Variants in STPG2 observed in about 807,000 individuals in gnomAD.
STPG2 encodes the protein sperm tail PG-rich repeat containing 2.
STPG2 carries 56 observed loss-of-function variants against 54.2 expected under a neutral mutation model. That is an observed-to-expected ratio of 1.03 (90% confidence interval 0.83 to 1.29). STPG2 has a LOEUF of 1.29. Ranked by LOEUF, STPG2 falls within the 50% of genes most tolerant of loss-of-function variation. STPG2 has a pLI of 0.00. For missense variants in STPG2, 596 were observed against 544.9 expected (o/e 1.09, Z -0.93); for synonymous variants, 200 against 181.8 (o/e 1.10, Z -0.81).
At chr4:97,606,482 T>G (rs58533143) in intron 10 of STPG2, among the ~76,000 whole-genome samples, 11,135 of 151,674 alleles carry the variant, frequency 0.073, 1,067 homozygotes, top group African/African-American at 0.22. Context: ...CAAATATATA[T>G]AGAGAGAGAG....
chr4:97,691,653 C>G (rs1723369657), intron 10 of STPG2, among the ~76,000 whole-genome samples: 1 of 152,144 alleles, frequency 6.6e-6, no homozygotes, highest in African/African-American at 2.4e-5. Context: ...TACCCACCAC[C>G]TAACCCTAGG....
chr4:97,678,195 C>T lies in STPG2; in HGVS notation c.1320+34504G>A, dbSNP rs571270664. On this transcript the variant is annotated intron_variant, in intron 10 of 10. Transcript: ENST00000295268. ...TTTAACACATGATTTAGAATTTACA[C>T]TTACAGGGTTTTTTTCAGTTTTCCA... Among the ~76,000 whole-genome samples, 8 of 152,114 alleles carry T rather than the reference C, an allele frequency of 5.3e-5. No individual in the cohort carries two copies. In the South Asian group the frequency reaches 1.7e-3, roughly 32 times the overall value.
intron 5 of STPG2, among the ~76,000 whole-genome samples, chr4:98,082,353 C>G (rs1157080346): frequency 8.1e-6 from 1 of 122,750 alleles, no homozygotes; most frequent in Non-Finnish European, 1.8e-5. Context: ...AGACCCAGAG[C>G]TGCAGCATTT....
At chr4:97,465,937 C>A (rs151141667) in intron 4 of STPG2, among the ~76,000 whole-genome samples, 1 of 151,708 alleles carries the variant, frequency 6.6e-6, no homozygotes, top group Non-Finnish European at 1.5e-5. Flanking sequence ...GTTTATTCTT[C>A]CTTACAGTGG....
intron 5 of STPG2, among the ~76,000 whole-genome samples, chr4:98,022,280 T>A (rs981624694): frequency 6.6e-6 from 1 of 151,186 alleles, no homozygotes; most frequent in Admixed American, 6.6e-5. Flanking sequence ...CTTATGAAGC[T>A]TAGTTTGGCT....
chr4:98,135,677 A>G (rs1266600315), intron 1 of STPG2, among the ~76,000 whole-genome samples: 1 of 151,696 alleles, frequency 6.6e-6, no homozygotes, highest in Non-Finnish European at 1.5e-5. Context: ...GAGGAGAGGG[A>G]AAGGTAAAAG....
chr4:98,030,678 A>G (rs575174340), intron 5 of STPG2, among the ~76,000 whole-genome samples: 1 of 152,340 alleles, frequency 6.6e-6, no homozygotes, highest in Admixed American at 6.5e-5. Flanking sequence ...ACTGGTACAA[A>G]AAAATAGTCA....
intron 4 of STPG2, among the ~76,000 whole-genome samples, chr4:97,460,550 G>T (rs1729637458): frequency 6.6e-6 from 1 of 151,424 alleles, no homozygotes; most frequent in South Asian, 2.1e-4. Context: ...TCTTGGAACT[G>T]CTATTAGGCA....
At chr4:97,513,907 A>C (rs900879357) in intron 4 of STPG2, among the ~76,000 whole-genome samples, 1 of 152,148 alleles carries the variant, frequency 6.6e-6, no homozygotes, top group African/African-American at 2.4e-5. Context: ...TGAGTCCCCA[A>C]AAAAGAATTG....
At chr4:98,052,011 C>T (rs144600192) in intron 5 of STPG2, among the ~76,000 whole-genome samples, 303 of 150,780 alleles carry the variant, frequency 2.0e-3, no homozygotes, top group African/African-American at 7.3e-3. Flanking sequence ...CATTTGAACA[C>T]GGGAGGCGGA....
intron 7 of STPG2, among the ~76,000 whole-genome samples, chr4:97,964,612 T>C (rs1320185431): frequency 6.6e-6 from 1 of 152,106 alleles, no homozygotes; most frequent in Non-Finnish European, 1.5e-5. Flanking sequence ...ACAAATATAA[T>C]AAAATAAATA....
chr4:98,021,416 G>C (rs1736185123), intron 5 of STPG2, among the ~76,000 whole-genome samples: 1 of 150,912 alleles, frequency 6.6e-6, no homozygotes. Context: ...TTTTACATTT[G>C]CTGAGGAGTG....
chr4:98,128,692 A>C, intron 2 of STPG2, 100 bp from the exon 3 acceptor site: 2 of 965,622 alleles, frequency 2.1e-6, no homozygotes, highest in Non-Finnish European at 3.0e-6. Context: ...TTAAATATTG[A>C]TTTAATGAGT....
At chr4:97,633,305 T>G (rs1721360530) in intron 10 of STPG2, among the ~76,000 whole-genome samples, 1 of 152,190 alleles carries the variant, frequency 6.6e-6, no homozygotes, top group Non-Finnish European at 1.5e-5. Context: ...ATTAAAAAGT[T>G]GGAATATTGT....
At chr4:98,041,692 C>G (rs182879763) in intron 5 of STPG2, among the ~76,000 whole-genome samples, 1 of 151,862 alleles carries the variant, frequency 6.6e-6, no homozygotes, top group African/African-American at 2.4e-5. Flanking sequence ...CCCACTTGAT[C>G]GTGGTGTATT....
chr4:97,443,403 A>C (rs188445268), intron 4 of STPG2, among the ~76,000 whole-genome samples: 87 of 152,270 alleles, frequency 5.7e-4, no homozygotes, highest in Admixed American at 9.2e-4. Flanking sequence ...CCTCCTTAAG[A>C]CATTTGCTAA....
chr4:97,560,552 C>T (rs185251158), intron 10 of STPG2, among the ~76,000 whole-genome samples: 147 of 152,290 alleles, frequency 9.7e-4, no homozygotes, highest in African/African-American at 2.7e-3. Flanking sequence ...TCCTCTTTAA[C>T]ACTGGATTGA....
intron 9 of STPG2, among the ~76,000 whole-genome samples, chr4:97,786,579 C>T (rs975250167): frequency 2.6e-5 from 4 of 152,050 alleles, no homozygotes; most frequent in African/African-American, 4.8e-5. Flanking sequence ...AAATAAACAA[C>T]GCATCCATTC....
At chr4:97,857,128 T>A (rs1355484233) in intron 8 of STPG2, among the ~76,000 whole-genome samples, 1 of 152,170 alleles carries the variant, frequency 6.6e-6, no homozygotes, top group African/African-American at 2.4e-5. Flanking sequence ...TCTTTTTCTC[T>A]TGTATCTCTG....
Sources: gnomAD v4.1 joint callset for allele counts (sites outside exome capture counted in the v4.1 genomes callset) on GRCh38, gnomAD v4.1.1 for gene constraint, MANE v1.5 for transcripts, NCBI Gene and HGNC (gene_info 2026-07-23, HGNC 2026-07-21) for gene names.